Variants in AFG1L observed in about 807,000 individuals in gnomAD.
AFG1L encodes AFG1-like ATPase.
Under a neutral mutation model 62.2 loss-of-function variants are expected in AFG1L, and 53 were observed. The observed-to-expected ratio is 0.85, with a 90% confidence interval of 0.68 to 1.07. The LOEUF (loss-of-function observed/expected upper bound fraction) is 1.07. Ranked by LOEUF, AFG1L falls within the 50% of genes least tolerant of loss-of-function variation. AFG1L has a pLI of 0.00. For missense variants in AFG1L, 555 were observed against 590.5 expected, an observed-to-expected ratio of 0.94 and a Z score of 0.62; for synonymous variants, 228 against 210.3, an observed-to-expected ratio of 1.08 and a Z score of -0.73.
At chr6:108,476,812 A>G in intron 8 of AFG1L, 53 bp from the exon 9 acceptor site, 1 of 1,316,864 alleles carries the variant, frequency 7.6e-7, no homozygotes, top group Non-Finnish European at 1.1e-6. Context: ...CAGCTGTTTG[A>G]TGTTGGCTTC....
intron 7 of AFG1L, among the ~76,000 whole-genome samples, chr6:108,411,645 G>A (rs919834303): frequency 6.6e-6 from 1 of 152,192 alleles, no homozygotes; most frequent in African/African-American, 2.4e-5. Flanking sequence ...AGGCAAACAG[G>A]GTCTGGAGTG....
intron 7 of AFG1L, among the ~76,000 whole-genome samples, chr6:108,436,539 G>A (rs562703464): frequency 3.2e-4 from 49 of 152,200 alleles, no homozygotes; most frequent in Non-Finnish European, 6.0e-4. Context: ...GTGAGCACAG[G>A]AGCAGAGGGC....
At chr6:108,298,224 C>T (rs1353495409) in intron 1 of AFG1L, among the ~76,000 whole-genome samples, 1 of 150,248 alleles carries the variant, frequency 6.7e-6, no homozygotes, top group Non-Finnish European at 1.5e-5. Flanking sequence ...TATAAGACTG[C>T]AGAGGAGGAA....
chr6:108,399,388 G>A (rs373488760), intron 6 of AFG1L, among the ~76,000 whole-genome samples: 6 of 151,432 alleles, frequency 4.0e-5, no homozygotes, highest in Admixed American at 2.0e-4. Flanking sequence ...GGGTTTCACC[G>A]TGTTGGCCAG....
intron 8 of AFG1L, among the ~76,000 whole-genome samples, chr6:108,456,581 A>G (rs1772260273): frequency 6.6e-6 from 1 of 152,048 alleles, no homozygotes. Flanking sequence ...CATCACCACT[A>G]TCTAATTTCA....
At chr6:108,478,256 T>C (rs1318392531) in intron 10 of AFG1L, among the ~76,000 whole-genome samples, 1 of 152,132 alleles carries the variant, frequency 6.6e-6, no homozygotes, top group African/African-American at 2.4e-5. Flanking sequence ...GCTAACACGG[T>C]GAAACCTCGT....
chr6:108,400,153 T>G (rs938885507), intron 6 of AFG1L, among the ~76,000 whole-genome samples: 2 of 152,140 alleles, frequency 1.3e-5, no homozygotes, highest in African/African-American at 4.8e-5. Context: ...GACTGTTTCC[T>G]TTTCCTTTCC....
intron 7 of AFG1L, among the ~76,000 whole-genome samples, chr6:108,408,108 G>A (rs554202751): frequency 9.7e-4 from 146 of 150,178 alleles, no homozygotes; most frequent in African/African-American, 3.5e-3. Flanking sequence ...TTGCAGATCA[G>A]GTTGATCTTT....
At chr6:108,303,580 A>G (rs112908243) in intron 1 of AFG1L, among the ~76,000 whole-genome samples, 2,835 of 152,206 alleles carry the variant, frequency 0.019, 46 homozygotes, top group Middle Eastern at 0.071. Flanking sequence ...CATCCTGCTT[A>G]TCTTTCTTAT....
chr6:108,383,868 A>C (rs547642671), intron 6 of AFG1L, among the ~76,000 whole-genome samples: 23 of 152,320 alleles, frequency 1.5e-4, no homozygotes, highest in African/African-American at 5.1e-4. Context: ...GAAAACAGCA[A>C]AAAAGTATGA....
Position 108,346,985 on chromosome 6 carries a change from C to T in AFG1L, c.364-3C>T. Reference sequence around the variant, plus strand: ...AGATTTATAATTTGTTCTTAATTTGCAGCTTTTTTCAAGGAGCAAACCTCC... The same window carrying T: ...AGATTTATAATTTGTTCTTAATTTGTAGCTTTTTTCAAGGAGCAAACCTCC... On this transcript the variant is annotated splice_polypyrimidine_tract_variant and splice_region_variant and intron_variant, in intron 2 of 12. Transcript: ENST00000368977. The T allele has an allele frequency of 1.9e-6, 3 of 1,607,480 alleles. No homozygotes were observed. Among genetic ancestry groups the T allele is most frequent in the South Asian group, 1.1e-5 (1 of 90,908 alleles).
intron 3 of AFG1L, among the ~76,000 whole-genome samples, chr6:108,355,127 A>G (rs570775436): frequency 1.4e-5 from 2 of 138,450 alleles, no homozygotes; most frequent in South Asian, 2.2e-4. Flanking sequence ...TTGTTTTGAG[A>G]TGGGGGTCTC....
chr6:108,409,248 T>G (rs1415470304), intron 7 of AFG1L, among the ~76,000 whole-genome samples: 1 of 152,226 alleles, frequency 6.6e-6, no homozygotes, highest in African/African-American at 2.4e-5. Context: ...ATTTCTGGAA[T>G]GATCTTGTAT....
At chr6:108,448,959 G>GGCAAC (rs1014295497) in intron 8 of AFG1L, among the ~76,000 whole-genome samples, 4 of 151,888 alleles carry the variant, frequency 2.6e-5, no homozygotes, top group South Asian at 2.1e-4. Flanking sequence ...AAACCAGCTG[G>GGCAAC]GCAACATAGG....
chr6:108,460,265 G>T (rs9486889), intron 8 of AFG1L, among the ~76,000 whole-genome samples: 56,388 of 151,746 alleles, frequency 0.37, 10,849 homozygotes, highest in Non-Finnish European at 0.44. Flanking sequence ...AAGAAAAAGA[G>T]AGAGAGATGG....
chr6:108,359,911 A>G (rs1425359056), intron 5 of AFG1L: 2 of 152,228 alleles, frequency 1.3e-5, no homozygotes. Context: ...GAATAGAACT[A>G]TTCAAGTCAT....
rs138123317 is a variant in AFG1L at position 108,454,707 on chromosome 6, C to T, written c.890+7411C>T. ...TCACTCTGTTGCCCAGACTGGAATG[C>T]AGTGGTGAGATCTCAGCTCACTGCA... On this transcript the variant is annotated intron_variant, in intron 8 of 12. Transcript: ENST00000368977. 5.9e-3 allele frequency among the ~76,000 whole-genome samples: 904 copies of T among 152,264 alleles called. 12 individuals are homozygous for T. Among genetic ancestry groups the T allele is most frequent in the African/African-American group, 0.021 (865 of 41,546 alleles).
At chr6:108,408,919 G>C (rs945578728) in intron 7 of AFG1L, among the ~76,000 whole-genome samples, 5 of 151,960 alleles carry the variant, frequency 3.3e-5, no homozygotes, top group African/African-American at 4.8e-5. Flanking sequence ...AAAGACAGTT[G>C]TGGGCACAGG....
chr6:108,343,931 G>A (rs1420548803), intron 2 of AFG1L, among the ~76,000 whole-genome samples: 1 of 152,122 alleles, frequency 6.6e-6, no homozygotes, highest in African/African-American at 2.4e-5. Context: ...AAAGCAAAAA[G>A]GAACAGGAAA....
Sources: gnomAD v4.1 joint callset for allele counts (sites outside exome capture counted in the v4.1 genomes callset) on GRCh38, gnomAD v4.1.1 for gene constraint, MANE v1.5 for transcripts, NCBI Gene and HGNC (gene_info 2026-07-23, HGNC 2026-07-21) for gene names.